The following DLGAP2 variants were observed in gnomAD, a reference collection of about 807,000 sequenced individuals.
DLGAP2 encodes the protein disks large-associated protein 2.
DLGAP2 carries 26 observed loss-of-function variants against 100.3 expected under a neutral mutation model. The observed-to-expected ratio is 0.26, with a 90% CI of 0.19 to 0.36. The LOEUF (loss-of-function observed/expected upper bound fraction) is 0.36, where lower values mean the gene tolerates loss of function less well. DLGAP2 is among the 10% of genes least tolerant of loss of function. The pLI is 1.00. For missense variants in DLGAP2, 1,858 were observed against 1,453.2 expected (o/e 1.28, Z -4.53); for synonymous variants, 886 against 630.1 (o/e 1.41, Z -6.08).
chr8:745,945 C>T (rs1820607942), intron 1 of DLGAP2, among the ~76,000 whole-genome samples: 1 of 152,236 alleles, frequency 6.6e-6, no homozygotes, highest in South Asian at 2.1e-4. Flanking sequence ...CACTCAGCGC[C>T]AGGCCACCTG....
At chr8:1,664,609 C>T (rs1272537227) in intron 8 of DLGAP2, among the ~76,000 whole-genome samples, 2 of 152,188 alleles carry the variant, frequency 1.3e-5, no homozygotes, top group African/African-American at 2.4e-5. Flanking sequence ...AGCCCAGGGT[C>T]TTCAGCCCCC....
intron 3 of DLGAP2, among the ~76,000 whole-genome samples, chr8:1,313,963 T>C (rs1455230991): frequency 1.3e-5 from 2 of 152,184 alleles, no homozygotes; most frequent in Non-Finnish European, 2.9e-5. Context: ...GGTTATCAGA[T>C]TTTTAAAATT....
At chr8:1,112,639 G>C (rs1016861460) in intron 2 of DLGAP2, among the ~76,000 whole-genome samples, 4 of 152,170 alleles carry the variant, frequency 2.6e-5, no homozygotes, top group Non-Finnish European at 4.4e-5. Flanking sequence ...TGCGTAGTTT[G>C]CAAATATTTT....
At position 1,001,354 on chromosome 8, in the gene DLGAP2, C is replaced by T. The variant is rs116620081; in HGVS notation, c.73+93388C>T. 8.8e-3 allele frequency among the ~76,000 whole-genome samples: 1,346 copies of T among 152,250 alleles called. 24 individuals carry two copies. The highest frequency in any genetic ancestry group is 0.03 in the African/African-American group (1,243 of 41,546). On this transcript the variant is annotated intron_variant, in intron 2 of 14. Coordinates refer to ENST00000637795, the MANE Select transcript of DLGAP2 (RefSeq NM_001346810.2). ...TGAACAAAAACATAAGTTTGTGTTA[C>T]GTCCATGTATTCATTTATGTCTAAT... is the stretch of plus-strand genomic sequence containing the variant.
At chr8:1,262,433 C>T (rs374597619) in intron 3 of DLGAP2, 1 of 152,138 alleles carries the variant, frequency 6.6e-6, no homozygotes, top group Non-Finnish European at 1.5e-5. Context: ...GACAGCCCAA[C>T]TAAATCCTTG....
chr8:912,320 G>A (rs1798501911), intron 2 of DLGAP2, among the ~76,000 whole-genome samples: 2 of 152,164 alleles, frequency 1.3e-5, no homozygotes, highest in East Asian at 3.8e-4. Flanking sequence ...AAGTTGGGTG[G>A]AAAGGTTTCA....
At chr8:1,432,954 G>T (rs2130003690) in intron 3 of DLGAP2, among the ~76,000 whole-genome samples, 1 of 152,278 alleles carries the variant, frequency 6.6e-6, no homozygotes, top group East Asian at 1.9e-4. Flanking sequence ...AAGACCCAGG[G>T]CCCGCTGTGC....
rs112727401 is a variant in DLGAP2, at chr8:912,799, G to A, written c.73+4833G>A. On this transcript the variant is annotated intron_variant, in intron 2 of 14. Transcript: ENST00000637795. ...CTATGGTGCCCACGTTCCTCTCTGT[G>A]GAGCCGGCTTCCCACACCACAGTGT... is the stretch of plus-strand genomic sequence containing the variant. Among the ~76,000 whole-genome samples, 413 of 142,894 alleles carry A rather than the reference G, an allele frequency of 2.9e-3. 1 individual carries two copies. Among genetic ancestry groups the A allele is most frequent in the Non-Finnish European group, 4.8e-3 (317 of 66,548 alleles). 93.7% of individuals were successfully genotyped at this position (142,894 alleles called of 152,430 possible).
intron 2 of DLGAP2, among the ~76,000 whole-genome samples, chr8:1,160,114 C>T (rs1796861843): frequency 6.6e-6 from 1 of 152,236 alleles, no homozygotes; most frequent in Non-Finnish European, 1.5e-5. Flanking sequence ...GACGCCGCGG[C>T]CCGTGGGTTC....
At chr8:1,380,620 C>T (rs1038042840) in intron 3 of DLGAP2, among the ~76,000 whole-genome samples, 3 of 152,166 alleles carry the variant, frequency 2.0e-5, no homozygotes, top group African/African-American at 7.2e-5. Context: ...CACCCGACCA[C>T]ATCTTACTCC....
At chr8:878,045 G>C (rs188582556) in intron 1 of DLGAP2, among the ~76,000 whole-genome samples, 17 of 152,258 alleles carry the variant, frequency 1.1e-4, no homozygotes, top group Admixed American at 9.8e-4. Flanking sequence ...ACCATTTTCA[G>C]AGACTGTAGA....
intron 1 of DLGAP2, among the ~76,000 whole-genome samples, chr8:782,088 G>T (rs1482068182): frequency 6.6e-6 from 1 of 152,058 alleles, no homozygotes; most frequent in Non-Finnish European, 1.5e-5. Flanking sequence ...AATGTTTCTA[G>T]CATAAAGAAA....
At chr8:876,061 C>T (rs949875301) in intron 1 of DLGAP2, among the ~76,000 whole-genome samples, 4 of 152,140 alleles carry the variant, frequency 2.6e-5, no homozygotes, top group Admixed American at 1.3e-4. Context: ...TAACCCTCTT[C>T]GTGCTGTTAT....
intron 3 of DLGAP2, chr8:1,381,272 T>C (rs993812423): frequency 6.6e-6 from 1 of 152,178 alleles, no homozygotes; most frequent in East Asian, 1.9e-4. Context: ...CAAGATTCCA[T>C]TGTTGGCTGA....
In DLGAP2 at chr8:798,299, A is replaced by G. The variant is rs187955947; in HGVS notation, c.18+60474A>G. Among the ~76,000 whole-genome samples, 159 of 148,898 alleles carry G rather than the reference A, an allele frequency of 1.1e-3. 1 individual carries two copies. Among genetic ancestry groups the G allele is most frequent in the African/African-American group, 3.8e-3 (155 of 40,334 alleles). ...GCAGCCCCGTGCCCCGGCGCTGGCC[A>G]GGTGAGGGGTGCCTGCTTCCGTTGG... On this transcript the variant is annotated intron_variant, in intron 1 of 14. Transcript: ENST00000637795.
intron 1 of DLGAP2, among the ~76,000 whole-genome samples, chr8:896,697 G>A (rs1798149483): frequency 6.6e-6 from 1 of 152,070 alleles, no homozygotes; most frequent in Non-Finnish European, 1.5e-5. Context: ...TGGCAGGAAG[G>A]CACCATCTGA....
intron 5 of DLGAP2, 56 bp downstream of exon 5, chr8:1,549,739 G>C: frequency 6.9e-7 from 1 of 1,450,706 alleles, no homozygotes; most frequent in Non-Finnish European, 9.1e-7. Flanking sequence ...TGGTATTGTC[G>C]TTATTCCTTT....
intron 2 of DLGAP2, among the ~76,000 whole-genome samples, chr8:1,156,639 G>GCTCAGCGCCCCAGCTCAGCGCCCCA (rs1554493440): frequency 1.6e-4 from 23 of 147,546 alleles, no homozygotes; most frequent in South Asian, 4.3e-4. Flanking sequence ...CCAGCGCCCC[G>GCTCAGCGCCCCAGCTCAGCGCCCCA]GCTCAGCGCC....
At chr8:1,386,941 T>G (rs1796234562) in intron 3 of DLGAP2, among the ~76,000 whole-genome samples, 2 of 152,212 alleles carry the variant, frequency 1.3e-5, no homozygotes, top group African/African-American at 4.8e-5. Flanking sequence ...AAATGTTGTA[T>G]GAGGATAGAT....
Sources: gnomAD v4.1 joint callset for allele counts (sites outside exome capture counted in the v4.1 genomes callset) on GRCh38, gnomAD v4.1.1 for gene constraint, MANE v1.5 for transcripts, NCBI Gene and HGNC (gene_info 2026-07-23, HGNC 2026-07-21) for gene names.